Variants in EPS8L3 observed in about 807,000 individuals in gnomAD.
The protein encoded by EPS8L3 is EPS8 signaling adaptor L3.
In EPS8L3, 80 loss-of-function variants were observed where a neutral mutation model predicts 88.5. The ratio of observed to expected loss-of-function variants is 0.90; its 90% confidence interval spans 0.75 to 1.09. EPS8L3 has a LOEUF of 1.09. EPS8L3 is among the 50% of genes least tolerant of loss of function. The probability of loss-of-function intolerance (pLI) is 0.00; values close to 1 mark genes in which losing one functional copy is unlikely to be tolerated. For missense variants in EPS8L3, 721 were observed against 735.2 expected, an observed-to-expected ratio of 0.98 and a Z score of 0.22; for synonymous variants, 286 against 291.0, an observed-to-expected ratio of 0.98 and a Z score of 0.18.
chr1:109,761,723 A>C lies in EPS8L3; in HGVS notation c.27T>G (p.Ile9Met), dbSNP rs1650985346. The change falls in exon 2 of 19, where the codon ATT becomes ATG. Residue 9 changes from isoleucine to methionine, a missense_variant. Transcript: ENST00000361965. The stretch of plus-strand genomic sequence containing the variant: ...AGGGGCCTGCCAGGAGCTTACAGTA[A>C]ATGGCTCTGCTGCTGGGCCTTGACA... The part of the protein sequence containing the change: MSRPSSRA[I>M]YLHRKEYSQN... 1 of 1,613,876 alleles carries C rather than the reference A, an allele frequency of 6.2e-7. No individual in the cohort carries two copies. Among genetic ancestry groups the C allele is most frequent in the East Asian group, 2.2e-5 (1 of 44,866 alleles).
rs945850863 is a variant in EPS8L3 at position 109,752,156 on chromosome 1, G to A, written c.1273C>T (p.Pro425Ser). 1 of 1,614,154 alleles carries A rather than the reference G, an allele frequency of 6.2e-7. No homozygotes were observed. Among genetic ancestry groups the A allele is most frequent in the Non-Finnish European group, 8.5e-7 (1 of 1,180,014 alleles). Residue 425 changes from proline (P) to serine (S), a missense_variant, in exon 15 of 19, where the codon CCT (proline) becomes TCT (serine). Coordinates refer to ENST00000361965, the MANE Select transcript of EPS8L3 (RefSeq NM_133181.4). ...TCATGGTTGTGTGTCTTCTCCTGAG[G>A]AAAGTGTGAGGTGCTCCCTAACCTA... ...SHRLGSTSHF[P>S]QEKTHNHDPQ... is the part of the protein sequence containing the mutation.
At chr1:109,753,702 C>T (rs563427099) in intron 12 of EPS8L3, among the ~76,000 whole-genome samples, 2 of 152,304 alleles carry the variant, frequency 1.3e-5, no homozygotes, top group East Asian at 3.9e-4. Context: ...GTCCTTGCCT[C>T]TCAGCCTCCC....
At chr1:109,758,194 C>T (rs1570694691) in intron 8 of EPS8L3, 122 bp downstream of exon 8, 1 of 1,287,074 alleles carries the variant, frequency 7.8e-7, no homozygotes, top group East Asian at 2.3e-5. Flanking sequence ...GCCTCTCTGG[C>T]CTCCTGGCCC....
intron 16 of EPS8L3, 80 bp from the exon 17 acceptor site, chr1:109,751,431 C>A: frequency 6.9e-7 from 1 of 1,459,352 alleles, no homozygotes; most frequent in South Asian, 1.2e-5. Context: ...GGTCCCTTCT[C>A]CAGGTTCCCA....
rs892592370 is a variant in EPS8L3 at position 109,752,125 on chromosome 1, T to C, written c.1304A>G (p.Gln435Arg). The change falls in exon 15 of 19, where the codon CAG becomes CGG. Residue 435 changes from glutamine (Q) to arginine (R), a missense_variant. By Grantham distance (43) the Gln-to-Arg change is conservative (BLOSUM62 1). Coordinates refer to ENST00000361965, the MANE Select transcript of EPS8L3 (RefSeq NM_133181.4). ...PQEKTHNHDP[Q>R]PGDPNSRPSS... is the part of the protein sequence containing the mutation. ...GGGCCTGGAGTTGGGGTCCCCAGGCTGAGGGTCATGGTTGTGTGTCTTCTC... is the reference window on the plus strand; with the variant it reads ...GGGCCTGGAGTTGGGGTCCCCAGGCCGAGGGTCATGGTTGTGTGTCTTCTC... The C allele has an allele frequency of 6.2e-7, 1 of 1,614,122 alleles. No homozygotes were observed. Among genetic ancestry groups the C allele is most frequent in the Non-Finnish European group, 8.5e-7 (1 of 1,180,012 alleles).
chr1:109,763,375 ACTCC>A (rs1335404598), intron 1 of EPS8L3, among the ~76,000 whole-genome samples: 1 of 145,252 alleles, frequency 6.9e-6, no homozygotes, highest in Non-Finnish European at 1.5e-5. Context: ...CCCACTCCCC[ACTCC>A]CTCAACACCA....
chr1:109,757,425 A>G, intron 11 of EPS8L3, 56 bp downstream of exon 11: 1 of 1,522,672 alleles, frequency 6.6e-7, no homozygotes. Context: ...TCCTCTCTCT[A>G]CTCCTTCTTG....
In EPS8L3 at chr1:109,750,658, A is replaced by C. The variant is rs771844863; in HGVS notation, c.1770+2T>G. 4.2e-5 allele frequency: 68 copies of C among 1,613,618 alleles called. No individual in the cohort carries two copies. The highest frequency in any genetic ancestry group is 5.6e-5 in the Non-Finnish European group (66 of 1,179,910). ...GTTGTCAGGACCCCAGGGTGTCCTC[A>C]CCCCCAGCATCCTTCTGACAGCCTC... On this transcript the variant is annotated splice_donor_variant, in intron 18 of 18. Transcript: ENST00000361965. LOFTEE classifies it high-confidence loss of function.
intron 1 of EPS8L3, among the ~76,000 whole-genome samples, chr1:109,762,101 A>G (rs1651036444): frequency 6.6e-6 from 1 of 152,182 alleles, no homozygotes; most frequent in African/African-American, 2.4e-5. Context: ...CTGGATGGAC[A>G]GGGACCTGCG....
chr1:109,761,472 C>T (rs779516690), intron 3 of EPS8L3, 23 bp downstream of exon 3: 2 of 1,600,010 alleles, frequency 1.2e-6, no homozygotes, highest in South Asian at 2.2e-5. Context: ...TGGACACTGC[C>T]CGGGGGCTGC....
Position 109,757,863 on chromosome 1 carries a change from C to G in EPS8L3, c.833G>C (p.Gly278Ala). ...GTCAATGTACTGTGCCTGGGTGAGA[C>G]CTGGGAGAAGGGGCCAAGACGGTGG... Reference protein sequence around the residue: ...KFGKKNKDQGGLTQAQYIDCF... With the variant: ...KFGKKNKDQGALTQAQYIDCF... The change falls in exon 10 of 19, where the codon GGT becomes GCT. Residue 278 changes from glycine (G) to alanine (A), a missense_variant and splice_region_variant. Transcript: ENST00000361965. 1 of 1,614,110 alleles carries G rather than the reference C, an allele frequency of 6.2e-7. No individual in the cohort carries two copies. Among genetic ancestry groups the G allele is most frequent in the Non-Finnish European group, 8.5e-7 (1 of 1,179,980 alleles).
In EPS8L3 at chr1:109,761,518, T is replaced by G. The variant is rs757255729; in HGVS notation, c.73A>C (p.Thr25Pro). The G allele has an allele frequency of 5.6e-6, 9 of 1,613,002 alleles. No individual in the cohort carries two copies. Among genetic ancestry groups the G allele is most frequent in the Non-Finnish European group, 7.6e-6 (9 of 1,179,462 alleles). ...EYSQNLTSEP[T>P]LLQHRVEHLM... ...ACCTCCACCCTGTGCTGCAGGAGGGTGGGCTCTGAGGTGAGGTTCTGGGAG... is the reference window on the plus strand; with the variant it reads ...ACCTCCACCCTGTGCTGCAGGAGGGGGGGCTCTGAGGTGAGGTTCTGGGAG... Residue 25 changes from threonine to proline, a missense_variant, in exon 3 of 19, where the codon ACC becomes CCC. Thr to Pro is a conservative substitution (Grantham distance 38). Transcript: ENST00000361965.
intron 14 of EPS8L3, 103 bp from the exon 15 acceptor site, chr1:109,752,296 G>T: frequency 1.7e-6 from 2 of 1,188,580 alleles, no homozygotes; most frequent in Non-Finnish European, 2.4e-6. Flanking sequence ...GCAGTCTGAT[G>T]GTGACTTTTG....
intron 12 of EPS8L3, among the ~76,000 whole-genome samples, chr1:109,756,580 G>T (rs1650305460): frequency 6.6e-6 from 1 of 152,142 alleles, no homozygotes; most frequent in African/African-American, 2.4e-5. Context: ...AGTTACCCCT[G>T]CAGGGAGTAT....
rs1205937664 is a variant in EPS8L3 at position 109,761,478 on chromosome 1, GC to G, written c.96+16del. The G allele has an allele frequency of 4.4e-6, 7 of 1,603,424 alleles. No homozygotes were observed. In the South Asian group the frequency reaches 7.7e-5, roughly 18 times the overall value. On this transcript the variant is annotated intron_variant, in intron 3 of 18. Transcript: ENST00000361965. ...GGGTTTAGTTGGACACTGCCCGGGGGCTGCAGAGGTACTCACCTCCACCCTG... is the reference window on the plus strand; with the variant it reads ...GGGTTTAGTTGGACACTGCCCGGGGGTGCAGAGGTACTCACCTCCACCCTG...
chr1:109,756,106 A>G (rs1650258933), intron 12 of EPS8L3, among the ~76,000 whole-genome samples: 1 of 152,182 alleles, frequency 6.6e-6, no homozygotes, highest in Non-Finnish European at 1.5e-5. Flanking sequence ...CTGTGCCTCT[A>G]GCCATCACAT....
At chr1:109,758,282 A>C (rs1650505899) in intron 8 of EPS8L3, 34 bp downstream of exon 8, 1 of 1,579,480 alleles carries the variant, frequency 6.3e-7, no homozygotes, top group African/African-American at 1.4e-5. Flanking sequence ...CAGGCCCAGA[A>C]AGCCTCAGCA....
At position 109,752,094 on chromosome 1, in the gene EPS8L3, G is replaced by A. The variant is rs1455054314; in HGVS notation, c.1335C>T (p.Ser445=). ...QPGDPNSRPS[S]PKPAQPALKM... is the part of the protein sequence containing the mutation. The stretch of plus-strand genomic sequence containing the variant: ...TCAGGGCTGGCTGGGCAGGTTTGGG[G>A]CTGGAGGGCCTGGAGTTGGGGTCCC... Residue 445 remains serine (S), a synonymous_variant, in exon 15 of 19, where the codon AGC becomes AGT. Coordinates refer to ENST00000361965, the MANE Select transcript of EPS8L3 (RefSeq NM_133181.4). The A allele has an allele frequency of 6.2e-7, 1 of 1,614,166 alleles. No individual in the cohort carries two copies. Among genetic ancestry groups the A allele is most frequent in the South Asian group, 1.1e-5 (1 of 91,086 alleles).
chr1:109,761,289 C>G (rs191288091), intron 3 of EPS8L3: 5 of 578,764 alleles, frequency 8.6e-6, no homozygotes, highest in Non-Finnish European at 1.5e-5. Context: ...CTGCTCTGTT[C>G]AATCTGACCA....
Sources: gnomAD v4.1 joint callset for allele counts (sites outside exome capture counted in the v4.1 genomes callset) on GRCh38, gnomAD v4.1.1 for gene constraint, MANE v1.5 for transcripts, NCBI Gene and HGNC (gene_info 2026-07-23, HGNC 2026-07-21) for gene names.